TMEM132D: variants seen among roughly 807,000 people sequenced by gnomAD.
TMEM132D encodes the protein transmembrane protein 132D.
Under a neutral mutation model 62.3 loss-of-function variants are expected in TMEM132D, and 21 were observed. The ratio of observed to expected loss-of-function variants is 0.34; its 90% CI spans 0.24 to 0.49. TMEM132D has a LOEUF of 0.49. Ranked by LOEUF, TMEM132D falls within the 20% of genes least tolerant of loss-of-function variation. The pLI is 0.99. For synonymous variants in TMEM132D, 621 were observed against 575.6 expected, an observed-to-expected ratio of 1.08 and a Z score of -1.13; for missense variants, 1,346 against 1,402.8, an observed-to-expected ratio of 0.96 and a Z score of 0.65.
intron 4 of TMEM132D, among the ~76,000 whole-genome samples, chr12:129,219,649 G>T (rs960879069): frequency 2.0e-5 from 3 of 152,228 alleles, no homozygotes; most frequent in African/African-American, 4.8e-5. Flanking sequence ...TTGCATGGAG[G>T]TGTGTGGCCA....
At chr12:129,472,784 C>T (rs1466498598) in intron 3 of TMEM132D, among the ~76,000 whole-genome samples, 1 of 152,176 alleles carries the variant, frequency 6.6e-6, no homozygotes, top group African/African-American at 2.4e-5. Context: ...GAGTAAAATG[C>T]TATCAAATAG....
chr12:129,766,017 G>T (rs1274414395), intron 1 of TMEM132D, among the ~76,000 whole-genome samples: 2 of 152,114 alleles, frequency 1.3e-5, no homozygotes, highest in South Asian at 2.1e-4. Context: ...GACTTGTTCT[G>T]GACAATGAGG....
intron 4 of TMEM132D, among the ~76,000 whole-genome samples, chr12:129,329,819 A>C (rs1869048023): frequency 6.6e-6 from 1 of 152,200 alleles, no homozygotes; most frequent in Non-Finnish European, 1.5e-5. Context: ...ACAAACCAGG[A>C]GAATACGTGT....
At chr12:129,690,972 T>G (rs567806102) in intron 2 of TMEM132D, among the ~76,000 whole-genome samples, 1 of 152,098 alleles carries the variant, frequency 6.6e-6, no homozygotes, top group Non-Finnish European at 1.5e-5. Flanking sequence ...AAAATAGAAA[T>G]TATGCAAAGT....
At chr12:129,452,709 GAAGA>G (rs1049739749) in intron 3 of TMEM132D, among the ~76,000 whole-genome samples, 3 of 140,632 alleles carry the variant, frequency 2.1e-5, no homozygotes, top group Non-Finnish European at 4.6e-5. Flanking sequence ...AGAAAAGAAA[GAAGA>G]AAGGAGGGGA....
chr12:129,685,989 C>A (rs187274775), intron 2 of TMEM132D, among the ~76,000 whole-genome samples: 1 of 152,190 alleles, frequency 6.6e-6, no homozygotes, highest in Admixed American at 6.5e-5. Context: ...AATGCCGGTA[C>A]CTCCATTGTA....
intron 1 of TMEM132D, among the ~76,000 whole-genome samples, chr12:129,864,055 G>T (rs540001437): frequency 6.6e-6 from 1 of 152,320 alleles, no homozygotes; most frequent in South Asian, 2.1e-4. Flanking sequence ...GCATGTAGCT[G>T]AGATGACAGA....
At chr12:129,447,784 T>C (rs919026029) in intron 3 of TMEM132D, among the ~76,000 whole-genome samples, 4 of 152,148 alleles carry the variant, frequency 2.6e-5, no homozygotes, top group Non-Finnish European at 4.4e-5. Flanking sequence ...TGTGTGGTGA[T>C]GTGGAAACAG....
At chr12:129,575,606 A>G (rs964796609) in intron 2 of TMEM132D, among the ~76,000 whole-genome samples, 1 of 151,862 alleles carries the variant, frequency 6.6e-6, no homozygotes, top group Admixed American at 6.6e-5. Context: ...GCTCAGACCA[A>G]TTGCTACCAA....
At chr12:129,834,027 C>G (rs1174773770) in intron 1 of TMEM132D, among the ~76,000 whole-genome samples, 1 of 152,188 alleles carries the variant, frequency 6.6e-6, no homozygotes, top group African/African-American at 2.4e-5. Context: ...CATCTCTGTT[C>G]TTCCTCCCCA....
chr12:129,788,090 C>A (rs2137296256), intron 1 of TMEM132D, among the ~76,000 whole-genome samples: 1 of 152,344 alleles, frequency 6.6e-6, no homozygotes, highest in African/African-American at 2.4e-5. Flanking sequence ...TGCGGGAAAC[C>A]AAGGCACTGA....
At chr12:129,168,235 C>T (rs933683117) in intron 5 of TMEM132D, among the ~76,000 whole-genome samples, 1 of 132,676 alleles carries the variant, frequency 7.5e-6, no homozygotes, top group East Asian at 2.4e-4. Context: ...CTCCTCAATC[C>T]ATCTCCTCTT....
intron 3 of TMEM132D, among the ~76,000 whole-genome samples, chr12:129,493,955 G>C (rs1406921382): frequency 6.6e-6 from 1 of 152,198 alleles, no homozygotes; most frequent in Non-Finnish European, 1.5e-5. Flanking sequence ...GGGCTGGGTG[G>C]CAGGATGTGC....
chr12:129,488,604 C>T (rs1363438933), intron 3 of TMEM132D, among the ~76,000 whole-genome samples: 1 of 152,010 alleles, frequency 6.6e-6, no homozygotes, highest in Non-Finnish European at 1.5e-5. Flanking sequence ...AATTGGGAGG[C>T]AGAGGTTGCA....
chr12:129,235,282 A>T (rs1879748245), intron 4 of TMEM132D, among the ~76,000 whole-genome samples: 1 of 152,202 alleles, frequency 6.6e-6, no homozygotes, highest in South Asian at 2.1e-4. Flanking sequence ...GAATAAATAA[A>T]AATAAATGTA....
intron 2 of TMEM132D, among the ~76,000 whole-genome samples, chr12:129,559,920 T>C (rs1006879539): frequency 2.6e-5 from 4 of 152,196 alleles, no homozygotes; most frequent in Non-Finnish European, 4.4e-5. Flanking sequence ...CAGGATAGCA[T>C]GCACGTGGAA....
chr12:129,283,620 T>C (rs1240226781), intron 4 of TMEM132D, among the ~76,000 whole-genome samples: 2 of 152,170 alleles, frequency 1.3e-5, no homozygotes, highest in African/African-American at 4.8e-5. Flanking sequence ...TCTTTGAAAA[T>C]GGAATTGTCC....
At chr12:129,683,361 C>T (rs1880832024) in intron 2 of TMEM132D, among the ~76,000 whole-genome samples, 1 of 152,114 alleles carries the variant, frequency 6.6e-6, no homozygotes, top group African/African-American at 2.4e-5. Flanking sequence ...ATAATAGCAC[C>T]TACATCATAG....
intron 3 of TMEM132D, among the ~76,000 whole-genome samples, chr12:129,377,034 C>A (rs1870800968): frequency 6.6e-6 from 1 of 152,192 alleles, no homozygotes; most frequent in Non-Finnish European, 1.5e-5. Flanking sequence ...TTTGAAGCTG[C>A]CCAATTCATG....
Sources: gnomAD v4.1 joint callset for allele counts (sites outside exome capture counted in the v4.1 genomes callset) on GRCh38, gnomAD v4.1.1 for gene constraint, MANE v1.5 for transcripts, NCBI Gene and HGNC (gene_info 2026-07-23, HGNC 2026-07-21) for gene names.